Variants in AKAP9 observed in about 807,000 individuals in gnomAD.
AKAP9 encodes A-kinase anchor protein 9.
A neutral mutation model predicts 488.5 loss-of-function variants in AKAP9; 311 were observed. The ratio of observed to expected loss-of-function variants is 0.64; its 90% CI spans 0.58 to 0.70. The LOEUF is 0.70. AKAP9 is among the 30% of genes least tolerant of loss of function. The pLI is 0.00. For synonymous variants in AKAP9, 1,462 were observed against 1,483.5 expected, an observed-to-expected ratio of 0.99 and a Z score of 0.33; for missense variants, 4,215 against 4,374.5, an observed-to-expected ratio of 0.96 and a Z score of 1.03.
Position 92,083,259 on chromosome 7 carries a change from A to G in AKAP9, c.8250A>G (p.Leu2750=). Residue 2750 remains leucine (L), a synonymous_variant, in exon 33 of 50, where the codon TTA becomes TTG. Coordinates refer to ENST00000356239, the MANE Select transcript of AKAP9 (RefSeq NM_005751.5). The stretch of plus-strand genomic sequence containing the variant: ...AGGCAAAAGAGAAATTGTCCATTTT[A>G]GAAAAAGAAGATGAGACTGAGGTAC... ...LAEAKEKLSI[L]EKEDETEVQE... is the part of the protein sequence containing the mutation. 6.2e-7 allele frequency: 1 copy of G among 1,614,180 alleles called. No individual in the cohort carries two copies. The highest frequency in any genetic ancestry group is 8.5e-7 in the Non-Finnish European group (1 of 1,180,022).
intron 3 of AKAP9, among the ~76,000 whole-genome samples, chr7:91,988,161 AC>A (rs1200304227): frequency 1.3e-5 from 2 of 152,098 alleles, no homozygotes; most frequent in East Asian, 3.9e-4. Context: ...AGTTTTTTTG[AC>A]CAACATTAAC....
chr7:91,989,374 T>C (rs889827380), intron 3 of AKAP9, among the ~76,000 whole-genome samples: 4 of 152,126 alleles, frequency 2.6e-5, no homozygotes, highest in African/African-American at 9.7e-5. Context: ...TCGGACTAAA[T>C]GAAAAATACT....
intron 9 of AKAP9, 86 bp from the exon 10 acceptor site, chr7:92,014,163 A>G (rs1445856788): frequency 2.3e-6 from 2 of 858,566 alleles, no homozygotes; most frequent in Non-Finnish European, 3.9e-6. Flanking sequence ...ATTGCAGGGG[A>G]GCTTCCAGTT....
At chr7:91,991,254 A>T (rs899596106) in intron 3 of AKAP9, among the ~76,000 whole-genome samples, 1 of 152,166 alleles carries the variant, frequency 6.6e-6, no homozygotes, top group African/African-American at 2.4e-5. Flanking sequence ...TGCAATTTAG[A>T]AGTATTTAAT....
At chr7:92,059,758 T>C (rs939782481) in intron 22 of AKAP9, among the ~76,000 whole-genome samples, 1 of 151,846 alleles carries the variant, frequency 6.6e-6, no homozygotes, top group Non-Finnish European at 1.5e-5. Flanking sequence ...ATTGTGACTG[T>C]AAATTCCCAT....
Position 92,016,250 on chromosome 7 carries a change from A to G in AKAP9, c.3734A>G (p.Tyr1245Cys), listed in dbSNP as rs1207875191. Residue 1245 changes from tyrosine (Y) to cysteine (C), a missense_variant, in exon 11 of 50, where the codon TAT becomes TGT. By Grantham distance (194) the Tyr-to-Cys change is radical (BLOSUM62 -2). This residue lies in a region of AKAP9 where 2,361 missense variants were observed against 2,430.0 expected (regional missense o/e 0.97). Coordinates refer to ENST00000356239, the MANE Select transcript of AKAP9 (RefSeq NM_005751.5). The stretch of plus-strand genomic sequence containing the variant: ...AATGAAGATCCAGAATTACAAGATT[A>G]TAGATATGAAGTTCAAGGTAATAAA... Reference protein sequence around the residue: ...SENEDPELQDYRYEVQDFQEN... With the variant: ...SENEDPELQDCRYEVQDFQEN... 3.2e-6 allele frequency: 5 copies of G among 1,549,510 alleles called. No individual in the cohort carries two copies. The highest frequency in any genetic ancestry group is 4.5e-5 in the East Asian group (2 of 44,442).
At chr7:92,030,838 CT>C (rs1804119349) in intron 15 of AKAP9, among the ~76,000 whole-genome samples, 1 of 152,106 alleles carries the variant, frequency 6.6e-6, no homozygotes, top group Non-Finnish European at 1.5e-5. Context: ...ACACCTGCAA[CT>C]TTCTCAAACT....
Position 91,991,698 on chromosome 7 carries a change from C to T in AKAP9, c.352-460C>T, listed in dbSNP as rs554603525. ...GTGTTAGCCAGGATGGTCTCGATCT[C>T]CTGAGCTCATGATCTGCCCGCCTCA... On this transcript the variant is annotated intron_variant, in intron 3 of 49. Transcript: ENST00000356239. Among the ~76,000 whole-genome samples the T allele has an allele frequency of 3.3e-5, 5 of 151,870 alleles. No individual in the cohort carries two copies. In the South Asian group the frequency reaches 1.0e-3, roughly 32 times the overall value.
intron 44 of AKAP9, 73 bp downstream of exon 44, chr7:92,099,942 T>C: frequency 6.9e-7 from 1 of 1,454,884 alleles, no homozygotes; most frequent in Non-Finnish European, 9.6e-7. Context: ...TAGTTCAAGT[T>C]TTAATCCTGT....
chr7:92,033,513 T>G (rs1278083715), intron 16 of AKAP9, among the ~76,000 whole-genome samples: 1 of 147,112 alleles, frequency 6.8e-6, no homozygotes, highest in East Asian at 2.1e-4. Flanking sequence ...TGGCGCAATC[T>G]CTGCTCACCG....
At chr7:92,078,466 A>G (rs12531561) in intron 30 of AKAP9, among the ~76,000 whole-genome samples, 60,895 of 151,794 alleles carry the variant, frequency 0.4, 12,544 homozygotes, top group African/African-American at 0.47. Context: ...TACAAAAAAT[A>G]TAAAAATTAA....
intron 8 of AKAP9, among the ~76,000 whole-genome samples, chr7:92,011,323 C>T (rs1029872871): frequency 6.6e-6 from 1 of 152,168 alleles, no homozygotes. Context: ...ATAAACCCTA[C>T]ATAAGATGCT....
chr7:92,080,677 T>C (rs1235351955), intron 31 of AKAP9, among the ~76,000 whole-genome samples: 1 of 152,146 alleles, frequency 6.6e-6, no homozygotes, highest in Admixed American at 6.6e-5. Context: ...ATTCACGTAT[T>C]GGGTAGCATT....
chr7:91,971,560 CT>C (rs71107844), intron 1 of AKAP9, among the ~76,000 whole-genome samples: 204 of 68,556 alleles, frequency 3.0e-3, no homozygotes, highest in East Asian at 8.6e-3. Flanking sequence ...ACATCTATTT[CT>C]TTTTTTTTTT....
intron 3 of AKAP9, among the ~76,000 whole-genome samples, chr7:91,982,877 C>T (rs998330144): frequency 2.6e-5 from 4 of 152,074 alleles, no homozygotes; most frequent in Non-Finnish European, 4.4e-5. Context: ...TAATGATTGC[C>T]ATTCTAACTG....
chr7:91,988,982 A>G (rs1188203856), intron 3 of AKAP9, among the ~76,000 whole-genome samples: 6 of 152,158 alleles, frequency 3.9e-5, no homozygotes, highest in South Asian at 2.1e-4. Context: ...ATATTTGCAT[A>G]CCTCACAAAG....
Position 92,016,160 on chromosome 7 carries a change from C to T in AKAP9, c.3644C>T (p.Thr1215Ile), listed in dbSNP as rs762026625. The change falls in exon 11 of 50, where the codon ACT (threonine) becomes ATT (isoleucine). Residue 1215 changes from threonine to isoleucine, a missense_variant. By Grantham distance (89) the Thr-to-Ile change is moderately conservative. This residue lies in a region of AKAP9 where 2,361 missense variants were observed against 2,430.0 expected (regional missense o/e 0.97). Transcript: ENST00000356239. ...TLCSVLGEYY[T>I]PALKCEVNAE... ...TGCAGTGTCCTTGGTGAATATTATA[C>T]TCCTGCTTTAAAATGTGAAGTAAAT... 14 of 1,603,682 alleles carry T rather than the reference C, an allele frequency of 8.7e-6. No homozygotes were observed. Among genetic ancestry groups the T allele is most frequent in the Admixed American group, 1.7e-5 (1 of 59,936 alleles).
At position 92,080,285 on chromosome 7, in the gene AKAP9, T is replaced by C. The variant is rs1813292990; in HGVS notation, c.8019+133T>C. 3.1e-5 allele frequency: 25 copies of C among 794,748 alleles called. No homozygotes were observed. In the East Asian group the frequency reaches 6.5e-4, roughly 21 times the overall value. The allele number at this position is 794,748 out of a possible 1,614,324, so 49.2% of individuals were successfully genotyped here. A position where few individuals can be genotyped will look rare whatever the true frequency, so the allele number is the denominator to read the frequency against. ...GGTTTTTATAAAAATATACCACTTA[T>C]AAAAAATAAACTCTTGTTAAAAGAA... On this transcript the variant is annotated intron_variant, in intron 31 of 49. Coordinates refer to ENST00000356239, the MANE Select transcript of AKAP9 (RefSeq NM_005751.5).
At position 92,022,899 on chromosome 7, in the gene AKAP9, C is replaced by A. The variant is rs780179861; in HGVS notation, c.4038C>A (p.Leu1346=). The A allele has an allele frequency of 6.2e-7, 1 of 1,613,054 alleles. No homozygotes were observed. Among genetic ancestry groups the A allele is most frequent in the South Asian group, 1.1e-5 (1 of 91,050 alleles). The stretch of plus-strand genomic sequence containing the variant: ...AACAAGTTCAAGAATTAGAAAGCCT[C>A]ATATCCTCTTTGCAGCAACAGTTGA... ...LEEQVQELES[L]ISSLQQQLKE... is the part of the protein sequence containing the mutation. The change falls in exon 14 of 50, where the codon CTC becomes CTA. Residue 1346 remains leucine (L), a synonymous_variant. Coordinates refer to ENST00000356239, the MANE Select transcript of AKAP9 (RefSeq NM_005751.5).
Sources: gnomAD v4.1 joint callset for allele counts (sites outside exome capture counted in the v4.1 genomes callset) on GRCh38, gnomAD v4.1.1 for gene constraint, gnomAD v4.1.1 regional missense constraint, MANE v1.5 for transcripts, NCBI Gene and HGNC (gene_info 2026-07-23, HGNC 2026-07-21) for gene names.